The following STK39 variants were observed in gnomAD, a reference collection of about 807,000 sequenced individuals.
STK39 encodes the protein STE20/SPS1-related proline-alanine-rich protein kinase.
In STK39, 20 loss-of-function variants were observed where a neutral mutation model predicts 77.8. That is an observed-to-expected ratio of 0.26 (90% confidence interval 0.18 to 0.37). The LOEUF is 0.37. Among genes scored for constraint, STK39 ranks in the 10% least tolerant of loss-of-function variants. STK39 has a pLI of 1.00. For synonymous variants in STK39, 246 were observed against 234.1 expected, an observed-to-expected ratio of 1.05 and a Z score of -0.47; for missense variants, 479 against 656.5, an observed-to-expected ratio of 0.73 and a Z score of 2.95.
chr2:168,184,801 G>A (rs1689167782), intron 1 of STK39, among the ~76,000 whole-genome samples: 1 of 152,068 alleles, frequency 6.6e-6, no homozygotes, highest in Admixed American at 6.6e-5. Flanking sequence ...TTTCACTTAC[G>A]CCCAAGCTTT....
intron 14 of STK39, among the ~76,000 whole-genome samples, chr2:168,055,346 A>G (rs1301691106): frequency 6.6e-6 from 1 of 152,242 alleles, no homozygotes; most frequent in Non-Finnish European, 1.5e-5. Flanking sequence ...ATGAAATCAT[A>G]ATTTACTAAG....
intron 10 of STK39, among the ~76,000 whole-genome samples, chr2:168,098,400 C>G (rs994699338): frequency 1.3e-5 from 2 of 152,260 alleles, no homozygotes; most frequent in Middle Eastern, 3.4e-3. Context: ...CATATGCTAC[C>G]CTGGCCAGCT....
chr2:168,221,756 T>A (rs1442392324), intron 1 of STK39, among the ~76,000 whole-genome samples: 1 of 152,100 alleles, frequency 6.6e-6, no homozygotes, highest in African/African-American at 2.4e-5. Flanking sequence ...AAAGGGCACT[T>A]CTTCTTTGGA....
chr2:168,150,338 A>C (rs1298281852), intron 5 of STK39, among the ~76,000 whole-genome samples: 1 of 152,182 alleles, frequency 6.6e-6, no homozygotes, highest in Non-Finnish European at 1.5e-5. Flanking sequence ...AACATAAATC[A>C]TATCCCACAC....
At chr2:168,071,138 C>G (rs1435670735) in intron 12 of STK39, among the ~76,000 whole-genome samples, 1 of 152,180 alleles carries the variant, frequency 6.6e-6, no homozygotes, top group African/African-American at 2.4e-5. Flanking sequence ...GCACCTTACT[C>G]TGTCTAAACA....
At chr2:168,087,168 G>A (rs1183257188) in intron 10 of STK39, among the ~76,000 whole-genome samples, 1 of 152,214 alleles carries the variant, frequency 6.6e-6, no homozygotes, top group African/African-American at 2.4e-5. Flanking sequence ...CCAGAGCAGA[G>A]TCGAGGTTGC....
chr2:168,218,775 G>A (rs1468209241), intron 1 of STK39, among the ~76,000 whole-genome samples: 2 of 152,174 alleles, frequency 1.3e-5, no homozygotes, highest in South Asian at 2.1e-4. Context: ...AAAAGACGTG[G>A]GGAAAGCCTC....
intron 10 of STK39, among the ~76,000 whole-genome samples, chr2:168,078,256 C>T (rs2105409966): frequency 6.6e-6 from 1 of 151,896 alleles, no homozygotes; most frequent in Non-Finnish European, 1.5e-5. Flanking sequence ...AATGAAAACC[C>T]GTTAAATAAA....
chr2:167,993,864 G>T (rs1317056245), intron 16 of STK39, among the ~76,000 whole-genome samples: 4 of 124,106 alleles, frequency 3.2e-5, no homozygotes, highest in African/African-American at 1.3e-4. Context: ...TGGAAGAAAA[G>T]ATTCTCTTTG....
intron 5 of STK39, among the ~76,000 whole-genome samples, chr2:168,149,099 C>T (rs1369972586): frequency 6.6e-6 from 1 of 152,200 alleles, no homozygotes; most frequent in African/African-American, 2.4e-5. Context: ...GGAGATTCAC[C>T]TTATTGATAT....
chr2:167,966,416 A>C (rs1157648583), intron 16 of STK39, among the ~76,000 whole-genome samples: 1 of 152,210 alleles, frequency 6.6e-6, no homozygotes, highest in African/African-American at 2.4e-5. Flanking sequence ...AAAGTGTTCT[A>C]ATAGTTCCTC....
At chr2:168,114,965 G>A (rs1264623189) in intron 10 of STK39, among the ~76,000 whole-genome samples, 3 of 152,290 alleles carry the variant, frequency 2.0e-5, no homozygotes, top group South Asian at 2.1e-4. Flanking sequence ...AGAACAAAAC[G>A]GCTTCAATAC....
At chr2:168,023,240 T>C (rs116453842) in intron 14 of STK39, among the ~76,000 whole-genome samples, 3,045 of 152,038 alleles carry the variant, frequency 0.02, 103 homozygotes, top group African/African-American at 0.069. Flanking sequence ...TGTTTAGTAA[T>C]TGATGTTCAG....
At chr2:168,137,728 G>A (rs1159093141) in intron 8 of STK39, among the ~76,000 whole-genome samples, 1 of 152,238 alleles carries the variant, frequency 6.6e-6, no homozygotes, top group Non-Finnish European at 1.5e-5. Flanking sequence ...AATCCTGAGA[G>A]GTCAGTTCAA....
intron 17 of STK39, among the ~76,000 whole-genome samples, chr2:167,962,841 G>A (rs1221449073): frequency 6.6e-6 from 1 of 152,216 alleles, no homozygotes; most frequent in East Asian, 1.9e-4. Flanking sequence ...GGGGGAGTCT[G>A]CAGCTTCCAG....
At chr2:168,074,932 A>G (rs2105404174) in intron 12 of STK39, 50 bp downstream of exon 12, 1 of 1,599,578 alleles carries the variant, frequency 6.3e-7, no homozygotes, top group Non-Finnish European at 8.5e-7. Context: ...CTCTGATACC[A>G]CAAGAAAGGA....
chr2:168,165,580 T>C (rs1454751588), intron 3 of STK39, among the ~76,000 whole-genome samples: 1 of 152,010 alleles, frequency 6.6e-6, no homozygotes, highest in Non-Finnish European at 1.5e-5. Flanking sequence ...CTTTTTCTTT[T>C]CCTTTTTCTT....
At chr2:168,178,657 T>C (rs1426735777) in intron 2 of STK39, among the ~76,000 whole-genome samples, 1 of 152,206 alleles carries the variant, frequency 6.6e-6, no homozygotes, top group East Asian at 1.9e-4. Flanking sequence ...ACAGTATAAA[T>C]CTGAATCATC....
chr2:168,233,273 A>G (rs1259226935), intron 1 of STK39, among the ~76,000 whole-genome samples: 1 of 152,198 alleles, frequency 6.6e-6, no homozygotes, highest in Non-Finnish European at 1.5e-5. Context: ...TGGGTTTCAG[A>G]CTTCAGAAAC....
Sources: gnomAD v4.1 joint callset for allele counts (sites outside exome capture counted in the v4.1 genomes callset) on GRCh38, gnomAD v4.1.1 for gene constraint, MANE v1.5 for transcripts, NCBI Gene and HGNC (gene_info 2026-07-23, HGNC 2026-07-21) for gene names.